IQCH: variants seen among roughly 807,000 people sequenced by gnomAD.
The protein encoded by IQCH is IQ motif containing H, also known as IQ domain-containing protein H.
A neutral mutation model predicts 117.0 loss-of-function variants in IQCH; 98 were observed. The observed-to-expected ratio is 0.84, with a 90% CI of 0.71 to 0.99. The LOEUF (loss-of-function observed/expected upper bound fraction) is 0.99, where lower values mean the gene tolerates loss of function less well. Among genes scored for constraint, IQCH ranks in the 50% least tolerant of loss-of-function variants. IQCH has a pLI of 0.00. For missense variants in IQCH, 1,102 were observed against 1,243.8 expected (o/e 0.89, Z 1.72); for synonymous variants, 412 against 448.2 (o/e 0.92, Z 1.02).
At chr15:67,278,558 C>G (rs1471584010) in intron 3 of IQCH, among the ~76,000 whole-genome samples, 2 of 152,210 alleles carry the variant, frequency 1.3e-5, no homozygotes, top group Non-Finnish European at 2.9e-5. Flanking sequence ...GCAGTTTACC[C>G]TGTGATCTCA....
intron 4 of IQCH, among the ~76,000 whole-genome samples, chr15:67,327,916 C>T (rs1318496000): frequency 6.6e-6 from 1 of 152,132 alleles, no homozygotes; most frequent in Non-Finnish European, 1.5e-5. Flanking sequence ...GCTTTTATGA[C>T]AGCACTAAAC....
rs1360859882 is a variant in IQCH at position 67,364,254 on chromosome 15, C to T, written c.753+4369C>T. ...GACCTTTTTATAATAGTCATTCTGACTGGTATGAGATGGTATCTCATTGTG... is the reference window on the plus strand; with the variant it reads ...GACCTTTTTATAATAGTCATTCTGATTGGTATGAGATGGTATCTCATTGTG... On this transcript the variant is annotated intron_variant, in intron 8 of 20. Transcript: ENST00000335894. The surrounding 1 kb of genome is among the most constrained non-coding windows in gnomAD (Gnocchi z 4.1). Among the ~76,000 whole-genome samples, 1 of 152,130 alleles carries T rather than the reference C, an allele frequency of 6.6e-6. No homozygotes were observed. Among genetic ancestry groups the T allele is most frequent in the Non-Finnish European group, 1.5e-5 (1 of 68,026 alleles).
intron 10 of IQCH, among the ~76,000 whole-genome samples, chr15:67,378,103 C>T (rs1970799805): frequency 6.6e-6 from 1 of 152,128 alleles, no homozygotes; most frequent in Non-Finnish European, 1.5e-5. Flanking sequence ...TTATGAGACT[C>T]TTGCTTCCTA....
rs1555505439 is a variant in IQCH, at chr15:67,459,451, ACCCATTCATCCCG to A, written c.2506-5673_2506-5661del. Among the ~76,000 whole-genome samples, 1 of 152,152 alleles carries A rather than the reference ACCCATTCATCCCG, an allele frequency of 6.6e-6. No individual in the cohort carries two copies. The highest frequency in any genetic ancestry group is 1.5e-5 in the Non-Finnish European group (1 of 68,030). On this transcript the variant is annotated intron_variant, in intron 16 of 20. Coordinates refer to ENST00000335894, the MANE Select transcript of IQCH (RefSeq NM_001031715.3). The surrounding 1 kb of genome is among the most constrained non-coding windows in gnomAD (Gnocchi z 4.2). ...TCTGCCCACATCTGCGTGCTCTGCCACCCATTCATCCCGCCTGTCACCAGAAAGAGGCAGAAGC... is the reference window on the plus strand; with the variant it reads ...TCTGCCCACATCTGCGTGCTCTGCCACCTGTCACCAGAAAGAGGCAGAAGC...
rs1213897264 is a variant in IQCH, at chr15:67,386,292, T to C, written c.1456+1273T>C. On this transcript the variant is annotated intron_variant, in intron 11 of 20. Coordinates refer to ENST00000335894, the MANE Select transcript of IQCH (RefSeq NM_001031715.3). This position sits in a 1 kb window ranked among gnomAD's most constrained non-coding sequence, Gnocchi z 5.0. ...ATTTCTTTATAAAAGATTCTCATTA[T>C]TGGAAAAGACTTGAAAGTATTAGGC... Among the ~76,000 whole-genome samples the C allele has an allele frequency of 1.3e-5, 2 of 152,204 alleles. No homozygotes were observed. Among genetic ancestry groups the C allele is most frequent in the Admixed American group, 1.3e-4 (2 of 15,274 alleles).
At chr15:67,256,159 C>G (rs1965182137) in intron 1 of IQCH, among the ~76,000 whole-genome samples, 2 of 152,250 alleles carry the variant, frequency 1.3e-5, no homozygotes, top group African/African-American at 4.8e-5. Context: ...TGAAGGCATA[C>G]AAATTAATCA....
rs922250954 is a variant in IQCH at position 67,457,074 on chromosome 15, T to G, written c.2506-8053T>G. 2.6e-5 allele frequency among the ~76,000 whole-genome samples: 4 copies of G among 152,190 alleles called. No individual in the cohort carries two copies. The highest frequency in any genetic ancestry group is 5.9e-5 in the Non-Finnish European group (4 of 68,016). On this transcript the variant is annotated intron_variant, in intron 16 of 20. Coordinates refer to ENST00000335894, the MANE Select transcript of IQCH (RefSeq NM_001031715.3). This position sits in a 1 kb window ranked among gnomAD's most constrained non-coding sequence, Gnocchi z 5.7. ...GGTGACTGCCCTGTACAGCGACAAC[T>G]GCCGTTCTTCACTTCTCCAAGAGAC...
chr15:67,494,166 C>A lies in IQCH; in HGVS notation c.2862-92C>A. Reference sequence around the variant, plus strand: ...GAGATTGAAAATACTCATTAAATTCCATCACCAGACAGGCACAAATGAGAG... The same window carrying A: ...GAGATTGAAAATACTCATTAAATTCAATCACCAGACAGGCACAAATGAGAG... On this transcript the variant is annotated intron_variant, in intron 19 of 20. Coordinates refer to ENST00000335894, the MANE Select transcript of IQCH (RefSeq NM_001031715.3). This position sits in a 1 kb window ranked among gnomAD's most constrained non-coding sequence, Gnocchi z 5.5. 1.2e-6 allele frequency: 1 copy of A among 801,570 alleles called. No individual in the cohort carries two copies. Among genetic ancestry groups the A allele is most frequent in the Non-Finnish European group, 1.9e-6 (1 of 529,454 alleles). The allele number at this position is 801,570 out of a possible 1,614,324, so 49.7% of individuals were successfully genotyped here.
Position 67,261,371 on chromosome 15 carries a change from A to T in IQCH, c.151A>T (p.Lys51Ter). Reference sequence around the variant, plus strand: ...CATTCAGAGTCTTGAAACAGCAATCAAAAGGACTGAAGTGGGGTTAAGAGT... The same window carrying T: ...CATTCAGAGTCTTGAAACAGCAATCTAAAGGACTGAAGTGGGGTTAAGAGT... ...LDIQSLETAI[K>*]RTEVGLRIHI... The change falls in exon 2 of 21, where the codon AAA (lysine) becomes TAA (stop). Residue 51 changes from lysine (K) to a stop codon, truncating the protein, a stop_gained. Coordinates refer to ENST00000335894, the MANE Select transcript of IQCH (RefSeq NM_001031715.3). LOFTEE classifies it high-confidence loss of function. 1 of 1,589,942 alleles carries T rather than the reference A, an allele frequency of 6.3e-7. No individual in the cohort carries two copies. The highest frequency in any genetic ancestry group is 8.5e-7 in the Non-Finnish European group (1 of 1,173,558).
Position 67,324,162 on chromosome 15 carries a change from G to A in IQCH, c.388-12813G>A, listed in dbSNP as rs183275641. Among the ~76,000 whole-genome samples, 59 of 151,630 alleles carry A rather than the reference G, an allele frequency of 3.9e-4. No homozygotes were observed. In the East Asian group the frequency reaches 6.5e-3, roughly 17 times the overall value. On this transcript the variant is annotated intron_variant, in intron 4 of 20. Coordinates refer to ENST00000335894, the MANE Select transcript of IQCH (RefSeq NM_001031715.3). ...TTTCACCATGTTGGCCAGGCTGCTG[G>A]TCTCGAACTCCTCACCTTGTGATCC... is the stretch of plus-strand genomic sequence containing the variant.
chr15:67,371,686 C>CGAA (rs1970539438), intron 8 of IQCH, among the ~76,000 whole-genome samples: 1 of 152,128 alleles, frequency 6.6e-6, no homozygotes, highest in South Asian at 2.1e-4. Flanking sequence ...CTAAGGAATG[C>CGAA]GAAGAAAGGC....
At chr15:67,353,491 C>G (rs1969758227) in intron 6 of IQCH, among the ~76,000 whole-genome samples, 1 of 151,964 alleles carries the variant, frequency 6.6e-6, no homozygotes, top group Non-Finnish European at 1.5e-5. Flanking sequence ...TCCCGAGTAG[C>G]TGGGACTACA....
chr15:67,302,885 ACCATGCTATT>A, intron 4 of IQCH, among the ~76,000 whole-genome samples: 9 of 152,244 alleles, frequency 5.9e-5, no homozygotes, highest in Admixed American at 4.6e-4. Flanking sequence ...ACAACAAAAA[ACCATGCTATT>A]AAAAAGTAAA....
Position 67,472,206 on chromosome 15 carries a change from G to A in IQCH, c.2677-3490G>A, listed in dbSNP as rs1364740041. On this transcript the variant is annotated intron_variant, in intron 17 of 20. Coordinates refer to ENST00000335894, the MANE Select transcript of IQCH (RefSeq NM_001031715.3). This position sits in a 1 kb window ranked among gnomAD's most constrained non-coding sequence, Gnocchi z 4.3. Reference sequence around the variant, plus strand: ...CACTAACTGGCGAGGAGGGGAGGACGTCCCCTAGCAGATGGGACAGAGTCC... The same window carrying A: ...CACTAACTGGCGAGGAGGGGAGGACATCCCCTAGCAGATGGGACAGAGTCC... Among the ~76,000 whole-genome samples, 4 of 152,158 alleles carry A rather than the reference G, an allele frequency of 2.6e-5. No homozygotes were observed. Among genetic ancestry groups the A allele is most frequent in the Admixed American group, 1.3e-4 (2 of 15,278 alleles).
rs1467884242 is a variant in IQCH, at chr15:67,491,675, C to T, written c.2861+1611C>T. On this transcript the variant is annotated intron_variant, in intron 19 of 20. Transcript: ENST00000335894. This position sits in a 1 kb window ranked among gnomAD's most constrained non-coding sequence, Gnocchi z 4.9. ...CATAACATCCCAACAAGCTTGCCTT[C>T]ATCTTCTCCACCTAGGCCTTCACAT... 1.3e-5 allele frequency among the ~76,000 whole-genome samples: 2 copies of T among 152,174 alleles called. No individual in the cohort carries two copies. The highest frequency in any genetic ancestry group is 2.9e-5 in the Non-Finnish European group (2 of 68,040).
At position 67,364,980 on chromosome 15, in the gene IQCH, A is replaced by G. The variant is rs1008940018; in HGVS notation, c.753+5095A>G. ...TTTTGAGATGCGGTCTCTCTCTGTC[A>G]CCTAGTCTGCAGTGCAGTGGCACGA... On this transcript the variant is annotated intron_variant, in intron 8 of 20. Transcript: ENST00000335894. The surrounding 1 kb of genome is among the most constrained non-coding windows in gnomAD (Gnocchi z 4.1). 6.6e-6 allele frequency among the ~76,000 whole-genome samples: 1 copy of G among 152,096 alleles called. No individual in the cohort carries two copies. Among genetic ancestry groups the G allele is most frequent in the Non-Finnish European group, 1.5e-5 (1 of 68,006 alleles).
intron 4 of IQCH, among the ~76,000 whole-genome samples, chr15:67,319,967 C>A (rs527575047): frequency 1.3e-5 from 2 of 152,084 alleles, no homozygotes; most frequent in African/African-American, 4.8e-5. Context: ...TTTAATGGAC[C>A]GTATTTGAGG....
Position 67,342,848 on chromosome 15 carries a change from A to C in IQCH, c.509-1215A>C, listed in dbSNP as rs1288844862. On this transcript the variant is annotated intron_variant, in intron 5 of 20. Coordinates refer to ENST00000335894, the MANE Select transcript of IQCH (RefSeq NM_001031715.3). This position sits in a 1 kb window ranked among gnomAD's most constrained non-coding sequence, Gnocchi z 4.7. ...TCTAGTGGTTCTCTAACTTCAGCGC[A>C]CATGAATATCTCCTGGAGCCTTCAA... Among the ~76,000 whole-genome samples the C allele has an allele frequency of 6.6e-6, 1 of 152,168 alleles. No homozygotes were observed. The highest frequency in any genetic ancestry group is 1.5e-5 in the Non-Finnish European group (1 of 68,036).
rs1219431043 is a variant in IQCH, at chr15:67,447,154, A to C, written c.2506-17973A>C. ...CTTTGAGCCTCAATTTTCCCTTCAT[A>C]AAATGGGAGTATGAATACCAAACCC... is the stretch of plus-strand genomic sequence containing the variant. On this transcript the variant is annotated intron_variant, in intron 16 of 20. Transcript: ENST00000335894. This position sits in a 1 kb window ranked among gnomAD's most constrained non-coding sequence, Gnocchi z 5.3. Among the ~76,000 whole-genome samples, 1 of 152,210 alleles carries C rather than the reference A, an allele frequency of 6.6e-6. No homozygotes were observed. Among genetic ancestry groups the C allele is most frequent in the East Asian group, 1.9e-4 (1 of 5,196 alleles).
Sources: allele counts gnomAD v4.1 joint callset (sites outside exome capture counted in the v4.1 genomes callset), GRCh38; gene constraint gnomAD v4.1.1; non-coding constraint Gnocchi (gnomAD v3.1); transcripts MANE v1.5; gene names NCBI Gene and HGNC (gene_info 2026-07-23, HGNC 2026-07-21).